The following RIOK1 variants were observed in gnomAD, a reference collection of about 807,000 sequenced individuals.
RIOK1 encodes the protein RIO kinase 1, also known as serine/threonine-protein kinase RIO1.
Under a neutral mutation model 73.5 loss-of-function variants are expected in RIOK1, and 66 were observed. That is an observed-to-expected ratio of 0.90 (90% confidence interval 0.74 to 1.10). RIOK1 has a LOEUF of 1.10. Ranked by LOEUF, RIOK1 falls within the 50% of genes least tolerant of loss-of-function variation. The probability of loss-of-function intolerance (pLI) is 0.00; values close to 1 mark genes in which losing one functional copy is unlikely to be tolerated. For missense variants in RIOK1, 658 were observed against 699.8 expected, an observed-to-expected ratio of 0.94 and a Z score of 0.67; for synonymous variants, 224 against 226.8, an observed-to-expected ratio of 0.99 and a Z score of 0.11.
chr6:7,390,137 G>T (rs6911944), intron 1 of RIOK1, 64 bp downstream of exon 1: 43,715 of 1,341,860 alleles, frequency 0.033, 981 homozygotes, highest in African/African-American at 0.1. Flanking sequence ...CCCTTGGGGT[G>T]TGGACTCTTG....
intron 12 of RIOK1, among the ~76,000 whole-genome samples, chr6:7,408,791 G>A (rs1182513345): frequency 2.0e-5 from 3 of 150,676 alleles, no homozygotes; most frequent in Non-Finnish European, 4.4e-5. Flanking sequence ...GGGCAATCTC[G>A]GCTCACTGCA....
intron 1 of RIOK1, among the ~76,000 whole-genome samples, chr6:7,390,806 T>C (rs1206880880): frequency 6.6e-6 from 1 of 152,248 alleles, no homozygotes; most frequent in African/African-American, 2.4e-5. Context: ...GTGGGTCTTA[T>C]GGAAAGCCAT....
In RIOK1 at chr6:7,405,178, C is replaced by G. The variant is rs550906159; in HGVS notation, c.1097-71C>G. On this transcript the variant is annotated intron_variant, in intron 11 of 16. Transcript: ENST00000379834. ...GGTATGTAATTTTATCTCCTTGTTTCTCTATAAGGTAGTTGGAATAATAAT... is the reference window on the plus strand; with the variant it reads ...GGTATGTAATTTTATCTCCTTGTTTGTCTATAAGGTAGTTGGAATAATAAT... 1.1e-5 allele frequency: 12 copies of G among 1,104,704 alleles called. No homozygotes were observed. The South Asian group carries it at 1.6e-4, about 15-fold the overall frequency. The allele number at this position is 1,104,704 out of a possible 1,614,324, so 68.4% of individuals were successfully genotyped here.
At chr6:7,410,569 G>C in intron 13 of RIOK1, 118 bp downstream of exon 13, 1 of 651,818 alleles carries the variant, frequency 1.5e-6, no homozygotes, top group Non-Finnish European at 2.7e-6. Context: ...TCAAATGATG[G>C]TAATATTTCC....
chr6:7,410,890 A>G (rs980643816), intron 13 of RIOK1, among the ~76,000 whole-genome samples: 3 of 152,152 alleles, frequency 2.0e-5, no homozygotes, highest in African/African-American at 7.2e-5. Flanking sequence ...ACAACTCTTA[A>G]TGGTTGACTA....
rs111587798 is a variant in RIOK1, at chr6:7,394,510, C to T, written c.277-543C>T. On this transcript the variant is annotated intron_variant, in intron 2 of 16. Transcript: ENST00000379834. ...TTTAAAATAACCACATTGTGAGTGACGACAAATTTTGCATTTTTATATCGT... is the reference window on the plus strand; with the variant it reads ...TTTAAAATAACCACATTGTGAGTGATGACAAATTTTGCATTTTTATATCGT... 2.5e-4 allele frequency among the ~76,000 whole-genome samples: 38 copies of T among 152,298 alleles called. No homozygotes were observed. The South Asian group carries it at 5.6e-3, about 22-fold the overall frequency.
chr6:7,404,642 C>T, intron 10 of RIOK1, 87 bp downstream of exon 10: 1 of 1,467,950 alleles, frequency 6.8e-7, no homozygotes, highest in Admixed American at 1.8e-5. Flanking sequence ...CAAGAAGTCA[C>T]ACTAACTTCT....
At chr6:7,416,387 G>A (rs1423693109) in intron 16 of RIOK1, among the ~76,000 whole-genome samples, 1 of 152,166 alleles carries the variant, frequency 6.6e-6, no homozygotes, top group East Asian at 1.9e-4. Flanking sequence ...GGTGGCTCAC[G>A]CCTGTAATCC....
chr6:7,415,413 TAAAAG>T (rs563109484), intron 16 of RIOK1, among the ~76,000 whole-genome samples: 2,021 of 151,712 alleles, frequency 0.013, 52 homozygotes, highest in African/African-American at 0.046. Flanking sequence ...AAAAAATAAA[TAAAAG>T]GAAAAGAATC....
intron 1 of RIOK1, among the ~76,000 whole-genome samples, chr6:7,392,549 A>G (rs867321576): frequency 1.3e-5 from 2 of 150,760 alleles, no homozygotes; most frequent in Middle Eastern, 3.4e-3. Flanking sequence ...TTTTTTTTAG[A>G]GACAGGGTTG....
At chr6:7,394,346 A>G (rs1761417837) in intron 2 of RIOK1, among the ~76,000 whole-genome samples, 1 of 152,192 alleles carries the variant, frequency 6.6e-6, no homozygotes, top group Non-Finnish European at 1.5e-5. Flanking sequence ...AGGCTGGAGA[A>G]TCGCCTGAAC....
intron 16 of RIOK1, among the ~76,000 whole-genome samples, chr6:7,415,448 G>T (rs1761977477): frequency 1.3e-5 from 2 of 152,174 alleles, no homozygotes; most frequent in African/African-American, 4.8e-5. Context: ...AGTTGCTGGT[G>T]AGAATCTTTT....
intron 16 of RIOK1, among the ~76,000 whole-genome samples, chr6:7,415,498 G>A (rs377626056): frequency 2.2e-4 from 33 of 152,302 alleles, no homozygotes; most frequent in African/African-American, 7.2e-4. Context: ...TGTTTGTGCT[G>A]GTTTTGCTGT....
intron 16 of RIOK1, 79 bp downstream of exon 16, chr6:7,414,469 C>T (rs1761954670): frequency 1.5e-6 from 2 of 1,308,940 alleles, no homozygotes; most frequent in Non-Finnish European, 2.1e-6. Context: ...AAGGATCTAG[C>T]TAGATTATGA....
chr6:7,393,696 A>G (rs138694637), intron 2 of RIOK1, among the ~76,000 whole-genome samples: 10 of 152,360 alleles, frequency 6.6e-5, no homozygotes, highest in South Asian at 4.1e-4. Flanking sequence ...AAGACAAAAC[A>G]TATCATTGAT....
chr6:7,400,063 C>G (rs1193771819), intron 5 of RIOK1, among the ~76,000 whole-genome samples: 1 of 152,192 alleles, frequency 6.6e-6, no homozygotes, highest in Non-Finnish European at 1.5e-5. Context: ...GCTTTAGTTT[C>G]AGAGATAAAC....
intron 15 of RIOK1, 119 bp from the exon 16 acceptor site, chr6:7,414,119 A>T: frequency 1.2e-6 from 1 of 827,612 alleles, no homozygotes; most frequent in Non-Finnish European, 1.9e-6. Context: ...ACAGGATGTT[A>T]GTTTTTAACA....
At chr6:7,405,060 C>A (rs1386076629) in intron 11 of RIOK1, 39 bp downstream of exon 11, 1 of 1,540,256 alleles carries the variant, frequency 6.5e-7, no homozygotes, top group South Asian at 1.1e-5. Flanking sequence ...GCTCATTGGT[C>A]TGTTTTGGTT....
chr6:7,414,158 T>C, intron 15 of RIOK1, 80 bp from the exon 16 acceptor site: 1 of 1,330,202 alleles, frequency 7.5e-7, no homozygotes, highest in South Asian at 1.5e-5. Context: ...ATCTGAATTC[T>C]GGCATTAACA....
Sources: allele counts gnomAD v4.1 joint callset (sites outside exome capture counted in the v4.1 genomes callset), GRCh38; gene constraint gnomAD v4.1.1; transcripts MANE v1.5; gene names NCBI Gene and HGNC (gene_info 2026-07-23, HGNC 2026-07-21).